Variants in ADAM22 observed in about 807,000 individuals in gnomAD.
ADAM22 encodes ADAM metallopeptidase domain 22.
ADAM22 carries 65 observed loss-of-function variants against 144.6 expected under a neutral mutation model. The ratio of observed to expected loss-of-function variants is 0.45; its 90% confidence interval spans 0.37 to 0.55. ADAM22 has a LOEUF of 0.55. Ranked by LOEUF, ADAM22 falls within the 20% of genes least tolerant of loss-of-function variation. The pLI is 0.00. For missense variants in ADAM22, 974 were observed against 1,184.9 expected (o/e 0.82, Z 2.61); for synonymous variants, 391 against 412.6 (o/e 0.95, Z 0.63).
intron 29 of ADAM22, chr7:88,186,107 G>A (rs1303717673): frequency 1.2e-5 from 2 of 168,462 alleles, no homozygotes; most frequent in Non-Finnish European, 2.5e-5. Flanking sequence ...ACCCTCTATA[G>A]AGAGTAAGAC....
At chr7:88,108,047 A>C in intron 4 of ADAM22, 129 bp from the exon 5 acceptor site, 1 of 650,988 alleles carries the variant, frequency 1.5e-6, no homozygotes, top group East Asian at 2.8e-5. Context: ...GATAATGCTA[A>C]TCTGAATAAT....
intron 4 of ADAM22, among the ~76,000 whole-genome samples, chr7:88,082,711 T>A (rs1336373823): frequency 1.3e-5 from 2 of 152,158 alleles, no homozygotes; most frequent in Non-Finnish European, 2.9e-5. Flanking sequence ...AGAAGACATT[T>A]ATGCAGCCAA....
chr7:88,148,471 A>G (rs1488514873), intron 17 of ADAM22, among the ~76,000 whole-genome samples: 1 of 152,186 alleles, frequency 6.6e-6, no homozygotes, highest in Admixed American at 6.5e-5. Flanking sequence ...ACACTAGAAA[A>G]TAATAAAAGA....
At chr7:88,078,710 C>T (rs957044450) in intron 4 of ADAM22, among the ~76,000 whole-genome samples, 79 of 152,250 alleles carry the variant, frequency 5.2e-4, no homozygotes, top group Admixed American at 1.2e-3. Flanking sequence ...GCACAAGCCT[C>T]AGTAACCGAT....
At chr7:87,961,826 G>A (rs1034931262) in intron 2 of ADAM22, among the ~76,000 whole-genome samples, 26 of 152,154 alleles carry the variant, frequency 1.7e-4, no homozygotes, top group Non-Finnish European at 3.4e-4. Flanking sequence ...AGATGATTCA[G>A]CATTGGAACA....
Position 88,128,599 on chromosome 7 carries a change from C to G in ADAM22, c.679-3C>G. On this transcript the variant is annotated splice_polypyrimidine_tract_variant and splice_region_variant and intron_variant, in intron 8 of 31. Coordinates refer to ENST00000413139, the MANE Select transcript of ADAM22 (RefSeq NM_001324418.2). ...AGGTGCTGTTTCCTTTCCTGTGTTA[C>G]AGCTTCGTCGATATCCTCGTAATGT... The G allele has an allele frequency of 1.2e-6, 2 of 1,610,330 alleles. No individual in the cohort carries two copies. Among genetic ancestry groups the G allele is most frequent in the Non-Finnish European group, 8.5e-7 (1 of 1,176,922 alleles).
chr7:88,133,583 G>A (rs141186872), intron 12 of ADAM22, among the ~76,000 whole-genome samples: 99 of 151,976 alleles, frequency 6.5e-4, no homozygotes, highest in African/African-American at 2.2e-3. Context: ...TTGAAAATAA[G>A]GCCCTATTTA....
At chr7:88,013,147 A>G (rs1249393529) in intron 3 of ADAM22, among the ~76,000 whole-genome samples, 1 of 152,140 alleles carries the variant, frequency 6.6e-6, no homozygotes, top group Non-Finnish European at 1.5e-5. Flanking sequence ...GCCATTACCC[A>G]AGTCTTCCAC....
chr7:88,168,120 C>G lies in ADAM22; in HGVS notation c.2192-17C>G, dbSNP rs539299387. ...TTTATACCACTGATCTTCCTTCTTT[C>G]TTTTTTTTCCTCTCAGGTGTTGCTG... is the stretch of plus-strand genomic sequence containing the variant. On this transcript the variant is annotated splice_polypyrimidine_tract_variant and intron_variant, in intron 24 of 31. Transcript: ENST00000413139. The G allele has an allele frequency of 6.2e-7, 1 of 1,606,982 alleles. No homozygotes were observed. Among genetic ancestry groups the G allele is most frequent in the African/African-American group, 1.3e-5 (1 of 74,784 alleles).
At chr7:88,008,826 G>A (rs1490424727) in intron 3 of ADAM22, among the ~76,000 whole-genome samples, 4 of 151,244 alleles carry the variant, frequency 2.6e-5, no homozygotes, top group East Asian at 1.9e-4. Flanking sequence ...CAGCACACCA[G>A]CATGGCACAT....
intron 9 of ADAM22, among the ~76,000 whole-genome samples, chr7:88,130,105 A>G (rs1297383027): frequency 6.8e-6 from 1 of 146,226 alleles, no homozygotes; most frequent in Admixed American, 7.2e-5. Flanking sequence ...CAATAAAAAT[A>G]AACTTATGAA....
chr7:88,147,628 T>C (rs951678224), intron 17 of ADAM22, among the ~76,000 whole-genome samples: 16 of 152,232 alleles, frequency 1.1e-4, no homozygotes, highest in African/African-American at 2.7e-4. Flanking sequence ...TGTTTATTAC[T>C]TTTCTTCTCC....
chr7:88,166,652 A>G (rs995571826), intron 24 of ADAM22, among the ~76,000 whole-genome samples: 2 of 152,196 alleles, frequency 1.3e-5, no homozygotes, highest in Non-Finnish European at 2.9e-5. Context: ...AAAAAGGAAT[A>G]TGTTCATTCT....
At chr7:87,987,921 G>A (rs190589945) in intron 3 of ADAM22, among the ~76,000 whole-genome samples, 81 of 152,212 alleles carry the variant, frequency 5.3e-4, no homozygotes, top group Admixed American at 3.7e-3. Flanking sequence ...AGATTGTACT[G>A]TATACCCTTG....
rs1850962661 is a variant in ADAM22 at position 88,199,158 on chromosome 7, T to A, written c.*2667T>A. 1 of 152,242 alleles carries A rather than the reference T, an allele frequency of 6.6e-6. No homozygotes were observed. Among genetic ancestry groups the A allele is most frequent in the Admixed American group, 6.5e-5 (1 of 15,288 alleles). 9.4% of individuals were successfully genotyped at this position (152,242 alleles called of 1,614,324 possible). A position where few individuals can be genotyped will look rare whatever the true frequency, so the allele number is the denominator to read the frequency against. ...CATTAAATATACAAGCACAGCATTA[T>A]TTCTCTTTAAATATCTATTTTGGAG... On this transcript the variant is annotated 3_prime_UTR_variant, in exon 32 of 32. Transcript: ENST00000413139.
At chr7:88,051,667 T>A (rs1196257920) in intron 3 of ADAM22, among the ~76,000 whole-genome samples, 4 of 151,980 alleles carry the variant, frequency 2.6e-5, no homozygotes, top group Non-Finnish European at 5.9e-5. Context: ...AACCTGCACA[T>A]TGTGCACATG....
chr7:88,183,737 G>A (rs1847654225), intron 29 of ADAM22, among the ~76,000 whole-genome samples: 1 of 151,532 alleles, frequency 6.6e-6, no homozygotes, highest in African/African-American at 2.4e-5. Flanking sequence ...CATGACTCAT[G>A]TTAATTAAAT....
intron 2 of ADAM22, among the ~76,000 whole-genome samples, chr7:87,951,956 A>G (rs36198463): frequency 0.47 from 58,950 of 126,728 alleles, 11,589 homozygotes; most frequent in African/African-American, 0.51. Context: ...TGTTATTGGT[A>G]TATAAGAATG....
intron 1 of ADAM22, 110 bp downstream of exon 1, chr7:87,934,660 A>G (rs1011652309): frequency 4.3e-6 from 3 of 704,598 alleles, no homozygotes; most frequent in African/African-American, 2.1e-5. Flanking sequence ...GCGCGGGGAG[A>G]TTTTTTTTTT....
Sources: gnomAD v4.1 joint callset for allele counts (sites outside exome capture counted in the v4.1 genomes callset) on GRCh38, gnomAD v4.1.1 for gene constraint, MANE v1.5 for transcripts, NCBI Gene and HGNC (gene_info 2026-07-23, HGNC 2026-07-21) for gene names.